The following PCARE variants were observed in gnomAD, a reference collection of about 807,000 sequenced individuals.
PCARE encodes uncharacterized protein C2orf71.
Under a neutral mutation model 82.2 loss-of-function variants are expected in PCARE, and 72 were observed. That is an observed-to-expected ratio of 0.88 (90% CI 0.72 to 1.07). PCARE has a LOEUF of 1.07. Among genes scored for constraint, PCARE ranks in the 50% least tolerant of loss-of-function variants. PCARE has a pLI of 0.00. For synonymous variants in PCARE, 705 were observed against 634.8 expected (o/e 1.11, Z -1.66); for missense variants, 1,768 against 1,592.4 (o/e 1.11, Z -1.88).
chr2:29,074,357 G>T lies in PCARE; in HGVS notation c.-96C>A. ...AAGGCAATCTTACTAGTCCATCCAGGCAATTTTCAGGCCAGAATTCTTTGA... is the reference window on the plus strand; with the variant it reads ...AAGGCAATCTTACTAGTCCATCCAGTCAATTTTCAGGCCAGAATTCTTTGA... On this transcript the variant is annotated 5_prime_UTR_variant, in exon 1 of 2. The change creates a premature stop within an existing upstream ORF in the 5' untranslated region. Coordinates refer to ENST00000331664, the MANE Select transcript of PCARE (RefSeq NM_001029883.3). 4 of 1,319,916 alleles carry T rather than the reference G, an allele frequency of 3.0e-6. No homozygotes were observed. Among genetic ancestry groups the T allele is most frequent in the Admixed American group, 2.4e-5 (1 of 41,012 alleles). The allele number at this position is 1,319,916 out of a possible 1,614,324, so 81.8% of individuals were successfully genotyped here.
chr2:29,072,439 G>C lies in PCARE; in HGVS notation c.1823C>G (p.Thr608Ser). ...SCLQSHVEDP[T>S]FQELRRVQRD... ...CTGGACCCTTCGCAGCTCCTGAAAG[G>C]TGGGGTCCTCCACGTGACTCTGGAG... The change falls in exon 1 of 2, where the codon ACC (threonine) becomes AGC (serine). Residue 608 changes from threonine to serine, a missense_variant. By Grantham distance (58) the Thr-to-Ser change is moderately conservative. Coordinates refer to ENST00000331664, the MANE Select transcript of PCARE (RefSeq NM_001029883.3). 6.8e-6 allele frequency: 11 copies of C among 1,614,188 alleles called. No individual in the cohort carries two copies. Among genetic ancestry groups the C allele is most frequent in the Non-Finnish European group, 8.5e-6 (10 of 1,180,032 alleles).
At chr2:29,066,857 T>C (rs1667398706) in intron 1 of PCARE, among the ~76,000 whole-genome samples, 1 of 152,182 alleles carries the variant, frequency 6.6e-6, no homozygotes, top group African/African-American at 2.4e-5. Context: ...AACACCACAT[T>C]GAGGGGAGAA....
intron 1 of PCARE, among the ~76,000 whole-genome samples, chr2:29,069,303 T>C (rs111553313): frequency 0.021 from 3,202 of 152,282 alleles, 92 homozygotes; most frequent in African/African-American, 0.064. Context: ...CAAATGCCCA[T>C]CAATGACAGA....
At position 29,070,687 on chromosome 2, in the gene PCARE, C is replaced by T. The variant is rs376510897; in HGVS notation, c.3575G>A (p.Arg1192Lys). 6 of 1,614,024 alleles carry T rather than the reference C, an allele frequency of 3.7e-6. No individual in the cohort carries two copies. The highest frequency in any genetic ancestry group is 2.2e-5 in the East Asian group (1 of 44,888). The change falls in exon 1 of 2, where the codon AGG becomes AAG. Residue 1192 changes from arginine (R) to lysine (K), a missense_variant. Transcript: ENST00000331664. ...CALNPLPFLR[R>K]TASDRQPGGR... ...ACCTGGCTGGCGGTCAGAAGCTGTCCTCCTGAGGAAAGGCAGAGGGTTGAG... is the reference window on the plus strand; with the variant it reads ...ACCTGGCTGGCGGTCAGAAGCTGTCTTCCTGAGGAAAGGCAGAGGGTTGAG...
rs375244943 is a variant in PCARE at position 29,070,853 on chromosome 2, G to T, written c.3409C>A (p.Leu1137Ile). Residue 1137 changes from leucine to isoleucine, a missense_variant, in exon 1 of 2, where the codon CTC (leucine) becomes ATC (isoleucine). Coordinates refer to ENST00000331664, the MANE Select transcript of PCARE (RefSeq NM_001029883.3). ...GGGGTCAGTGGGTGGGCTGTTGAGA[G>T]TGGCGGTTTAGCTTCAAACAGAGAG... ...TSSLFEAKPP[L>I]STAHPLTPPS... The T allele has an allele frequency of 1.2e-6, 2 of 1,613,868 alleles. No individual in the cohort carries two copies. The highest frequency in any genetic ancestry group is 2.7e-5 in the African/African-American group (2 of 74,918).
Position 29,072,259 on chromosome 2 carries a change from G to A in PCARE, c.2003C>T (p.Ala668Val), listed in dbSNP as rs1220595558. 6.2e-7 allele frequency: 1 copy of A among 1,614,124 alleles called. No individual in the cohort carries two copies. Among genetic ancestry groups the A allele is most frequent in the East Asian group, 2.2e-5 (1 of 44,894 alleles). ...AATACTGAAGTTCTTGGTGAGGGAT[G>A]CCTTGAGCCTGCTGGTGGTGTTGCT... ...SPSNTTSRLK[A>V]SLTKNFSILP... Residue 668 changes from alanine to valine, a missense_variant, in exon 1 of 2, where the codon GCA (alanine) becomes GTA (valine). Physicochemically the swap from Ala to Val is moderately conservative, Grantham distance 64. Transcript: ENST00000331664.
rs758277868 is a variant in PCARE at position 29,070,892 on chromosome 2, A to G, written c.3370T>C (p.Cys1124Arg). 6.2e-7 allele frequency: 1 copy of G among 1,613,800 alleles called. No homozygotes were observed. Among genetic ancestry groups the G allele is most frequent in the Admixed American group, 1.7e-5 (1 of 60,024 alleles). ...TCAAACAGAGAGGAGGTAGCTGGGC[A>G]GAATATGGAATGTGTGTTCCCAGAC... ...KVSGNTHSIF[C>R]PATSSLFEAK... The change falls in exon 1 of 2, where the codon TGC (cysteine) becomes CGC (arginine). Residue 1124 changes from cysteine to arginine, a missense_variant. By Grantham distance (180) the Cys-to-Arg change is radical (BLOSUM62 -3). Transcript: ENST00000331664.
rs1314936030 is a variant in PCARE at position 29,062,448 on chromosome 2, T to G, written c.*2421A>C. On this transcript the variant is annotated 3_prime_UTR_variant, in exon 2 of 2. Coordinates refer to ENST00000331664, the MANE Select transcript of PCARE (RefSeq NM_001029883.3). ...CCTTCGTCTGCTGCCTGCAATATGG[T>G]GGGTGGGCACTTCCTGCTGCTTGCC... is the stretch of plus-strand genomic sequence containing the variant. The G allele has an allele frequency of 3.9e-5, 6 of 152,294 alleles. No individual in the cohort carries two copies. The East Asian group carries it at 1.2e-3, about 29-fold the overall frequency. 9.4% of individuals were successfully genotyped at this position (152,294 alleles called of 1,614,324 possible).
intron 1 of PCARE, among the ~76,000 whole-genome samples, 184 bp from the exon 2 acceptor site, chr2:29,065,251 G>A (rs574190970): frequency 2.8e-4 from 43 of 152,294 alleles, no homozygotes; most frequent in Non-Finnish European, 5.6e-4. Flanking sequence ...CCATTGCCGT[G>A]TGCCTGCAGG....
Position 29,073,777 on chromosome 2 carries a change from T to C in PCARE, c.485A>G (p.Gln162Arg), listed in dbSNP as rs765081694. ...AGGCTCATGAGCAGGGTGGATGGTT[T>C]GGTAGCAGTGGCTCTGTGTGCTTGA... ...HTSSTQSHCY[Q>R]TIHPAHEPEG... Residue 162 changes from glutamine to arginine, a missense_variant, in exon 1 of 2, where the codon CAA (glutamine) becomes CGA (arginine). Coordinates refer to ENST00000331664, the MANE Select transcript of PCARE (RefSeq NM_001029883.3). 3 of 1,614,214 alleles carry C rather than the reference T, an allele frequency of 1.9e-6. No individual in the cohort carries two copies. In the South Asian group the frequency reaches 3.3e-5, roughly 18 times the overall value.
intron 1 of PCARE, 126 bp downstream of exon 1, chr2:29,070,468 C>T (rs1667452285): frequency 6.8e-6 from 9 of 1,325,662 alleles, no homozygotes; most frequent in Non-Finnish European, 2.1e-6. Flanking sequence ...CACCTTTTTC[C>T]CAACTGCCTC....
chr2:29,070,506 C>G (rs932966298), intron 1 of PCARE, 88 bp downstream of exon 1: 15 of 1,569,720 alleles, frequency 9.6e-6, no homozygotes, highest in Non-Finnish European at 1.3e-5. Flanking sequence ...TTGAAAACTA[C>G]TGAGACCCAG....
chr2:29,065,104 C>G, intron 1 of PCARE, 37 bp from the exon 2 acceptor site: 1 of 1,541,448 alleles, frequency 6.5e-7, no homozygotes, highest in Non-Finnish European at 8.7e-7. Flanking sequence ...TCAGACACTC[C>G]TCCTCTGCTG....
chr2:29,071,377 T>A lies in PCARE; in HGVS notation c.2885A>T (p.His962Leu). The A allele has an allele frequency of 6.2e-7, 1 of 1,613,568 alleles. No homozygotes were observed. Among genetic ancestry groups the A allele is most frequent in the South Asian group, 1.1e-5 (1 of 91,078 alleles). ...GTTTTGTCCAGATGGAGGGCCGGAG[T>A]GGTGCCAGGCGATGGCCTTCCGGGG... ...RQPRKAIAWH[H>L]SGPPSGQNRT... is the part of the protein sequence containing the mutation. Residue 962 changes from histidine (H) to leucine (L), a missense_variant, in exon 1 of 2, where the codon CAC (histidine) becomes CTC (leucine). His to Leu is a moderately conservative substitution (Grantham distance 99). Coordinates refer to ENST00000331664, the MANE Select transcript of PCARE (RefSeq NM_001029883.3).
At position 29,072,578 on chromosome 2, in the gene PCARE, G is replaced by T. The variant is rs201436352; in HGVS notation, c.1684C>A (p.Gln562Lys). The T allele has an allele frequency of 3.0e-5, 49 of 1,614,060 alleles. No homozygotes were observed. In the African/African-American group the frequency reaches 3.9e-4, roughly 13 times the overall value. ...IKFVPVPCGHQDWSEEEEGRT... is the reference protein window; with the variant it reads ...IKFVPVPCGHKDWSEEEEGRT... ...CCCTCCTCCTCCTCAGACCAGTCCT[G>T]GTGCCCACAGGGCACAGGGACAAAC... Residue 562 changes from glutamine (Q) to lysine (K), a missense_variant, in exon 1 of 2, where the codon CAG (glutamine) becomes AAG (lysine). Coordinates refer to ENST00000331664, the MANE Select transcript of PCARE (RefSeq NM_001029883.3).
chr2:29,066,263 T>G (rs1667387609), intron 1 of PCARE, among the ~76,000 whole-genome samples: 1 of 152,218 alleles, frequency 6.6e-6, no homozygotes, highest in South Asian at 2.1e-4. Flanking sequence ...ATTGTATTAA[T>G]AGCATAAGTG....
chr2:29,070,681 G>A lies in PCARE; in HGVS notation c.3581C>T (p.Ala1194Val), dbSNP rs372953965. 102 of 1,614,046 alleles carry A rather than the reference G, an allele frequency of 6.3e-5. No homozygotes were observed. In the Middle Eastern group the frequency reaches 1.5e-3, roughly 23 times the overall value. Residue 1194 changes from alanine to valine, a missense_variant, in exon 1 of 2, where the codon GCT (alanine) becomes GTT (valine). Ala to Val is a moderately conservative substitution (Grantham distance 64). Transcript: ENST00000331664. ...LNPLPFLRRT[A>V]SDRQPGGRPQ... ...TCGGCCACCTGGCTGGCGGTCAGAA[G>A]CTGTCCTCCTGAGGAAAGGCAGAGG...
chr2:29,073,241 G>A lies in PCARE; in HGVS notation c.1021C>T (p.Gln341Ter). The A allele has an allele frequency of 6.2e-7, 1 of 1,614,002 alleles. No homozygotes were observed. The highest frequency in any genetic ancestry group is 8.5e-7 in the Non-Finnish European group (1 of 1,179,924). ...TCCTCAGAGCATAAGGGGAGACCCT[G>A]CACCCCAGGGTCGCCACAGCCACTC... ...LASGCGDPGVQGLPLCSEDSG... is the reference protein window; with the variant it reads ...LASGCGDPGV The change falls in exon 1 of 2, where the codon CAG becomes TAG. Residue 341 changes from glutamine (Q) to a stop codon, truncating the protein, a stop_gained. Coordinates refer to ENST00000331664, the MANE Select transcript of PCARE (RefSeq NM_001029883.3). LOFTEE classifies it high-confidence loss of function.
At position 29,072,819 on chromosome 2, in the gene PCARE, A is replaced by G. The variant is rs568235594; in HGVS notation, c.1443T>C (p.Leu481=). Residue 481 remains leucine (L), a synonymous_variant, in exon 1 of 2, where the codon CTT becomes CTC. Coordinates refer to ENST00000331664, the MANE Select transcript of PCARE (RefSeq NM_001029883.3). ...KTSRPMDASS[L]SDSEDSSPEE... ...CTGGGCTGCTGTCCTCGCTGTCACT[A>G]AGAGATGAAGCGTCCATCGGCCTGG... 3.1e-6 allele frequency: 5 copies of G among 1,614,002 alleles called. No individual in the cohort carries two copies. Among genetic ancestry groups the G allele is most frequent in the African/African-American group, 1.3e-5 (1 of 74,964 alleles).
Sources: allele counts gnomAD v4.1 joint callset (sites outside exome capture counted in the v4.1 genomes callset), GRCh38; gene constraint gnomAD v4.1.1; transcripts MANE v1.5; gene names NCBI Gene and HGNC (gene_info 2026-07-23, HGNC 2026-07-21).